The following KLHL3 variants were observed in gnomAD, a reference collection of about 807,000 sequenced individuals.
KLHL3 encodes kelch-like protein 3.
In KLHL3, 19 loss-of-function variants were observed where a neutral mutation model predicts 70.5. That is an observed-to-expected ratio of 0.27 (90% CI 0.19 to 0.40). The LOEUF is 0.40. Among genes scored for constraint, KLHL3 ranks in the 10% least tolerant of loss-of-function variants. The pLI is 1.00. For missense variants in KLHL3, 512 were observed against 771.1 expected (o/e 0.66, Z 3.98); for synonymous variants, 258 against 290.3 (o/e 0.89, Z 1.13).
Position 137,639,266 on chromosome 5 carries a change from T to C in KLHL3, c.1022-116A>G, listed in dbSNP as rs945167783. On this transcript the variant is annotated intron_variant, in intron 9 of 14. Coordinates refer to ENST00000309755, the MANE Select transcript of KLHL3 (RefSeq NM_017415.3). This position sits in a 1 kb window ranked among gnomAD's most constrained non-coding sequence, Gnocchi z 5.0. ...GGAAAAGTCGCCACCGAAGATACTT[T>C]AGGTATTTGGCAGTCATTATGGGAT... 4 of 931,446 alleles carry C rather than the reference T, an allele frequency of 4.3e-6. No individual in the cohort carries two copies. The highest frequency in any genetic ancestry group is 1.6e-5 in the African/African-American group (1 of 61,180). The allele number at this position is 931,446 out of a possible 1,614,324, so 57.7% of individuals were successfully genotyped here.
intron 11 of KLHL3, among the ~76,000 whole-genome samples, chr5:137,636,127 G>A (rs1750760764): frequency 6.6e-6 from 1 of 152,098 alleles, no homozygotes; most frequent in Non-Finnish European, 1.5e-5. Flanking sequence ...AATTTACCTT[G>A]GTAGGAGGAC....
At position 137,658,167 on chromosome 5, in the gene KLHL3, T is replaced by C; in HGVS notation, c.867A>G (p.Pro289=). The change falls in exon 8 of 15, where the codon CCA becomes CCG. Residue 289 remains proline (P), a synonymous_variant. Transcript: ENST00000309755. ...PLDQRLLIKN[P]RTKPRTPVSL... Reference sequence around the variant, plus strand: ...TGACTGGAGTCCTGGGCTTGGTCCTTGGGTTCTTAATCAATAGTCTCTGAT... The same window carrying C: ...TGACTGGAGTCCTGGGCTTGGTCCTCGGGTTCTTAATCAATAGTCTCTGAT... The C allele has an allele frequency of 6.2e-7, 1 of 1,613,884 alleles. No individual in the cohort carries two copies. The highest frequency in any genetic ancestry group is 8.5e-7 in the Non-Finnish European group (1 of 1,179,958).
chr5:137,705,834 T>C (rs1167145988), intron 3 of KLHL3, among the ~76,000 whole-genome samples: 1 of 152,048 alleles, frequency 6.6e-6, no homozygotes, highest in Non-Finnish European at 1.5e-5. Flanking sequence ...TTTGGGAAAA[T>C]TGCTTCCCTT....
chr5:137,659,999 T>C (rs970281937), intron 7 of KLHL3, among the ~76,000 whole-genome samples: 3 of 151,984 alleles, frequency 2.0e-5, no homozygotes, highest in African/African-American at 7.2e-5. Context: ...CCCTTCCTTC[T>C]CCTCCTCCTC....
chr5:137,661,114 C>T (rs556887201), intron 7 of KLHL3: 4 of 152,244 alleles, frequency 2.6e-5, no homozygotes, highest in African/African-American at 7.2e-5. Context: ...AAATAAGTCA[C>T]GTAATGGGTA....
intron 5 of KLHL3, among the ~76,000 whole-genome samples, chr5:137,687,252 G>GT (rs1561606429): frequency 2.3e-4 from 9 of 39,588 alleles, no homozygotes; most frequent in African/African-American, 9.9e-4. Context: ...GAGGCGCGGG[G>GT]GGGGGTCGGC....
rs374792787 is a variant in KLHL3, at chr5:137,681,215, TAAAG to T, written c.527-3565_527-3562del. Among the ~76,000 whole-genome samples the T allele has an allele frequency of 1.3e-3, 199 of 152,254 alleles. 3 individuals are homozygous for T. The Middle Eastern group carries it at 0.024, about 18-fold the overall frequency. On this transcript the variant is annotated intron_variant, in intron 5 of 14. Coordinates refer to ENST00000309755, the MANE Select transcript of KLHL3 (RefSeq NM_017415.3). ...TACATAAGGTGATATGGGCATTAAA[TAAAG>T]AAATAGATGTGACTCACATTTACTG...
chr5:137,671,240 C>T (rs1375239388), intron 6 of KLHL3, among the ~76,000 whole-genome samples: 1 of 152,064 alleles, frequency 6.6e-6, no homozygotes, highest in African/African-American at 2.4e-5. Context: ...CCTACTATTC[C>T]TCCAACCTAA....
At chr5:137,623,388 C>G (rs1750373051) in intron 14 of KLHL3, among the ~76,000 whole-genome samples, 1 of 152,182 alleles carries the variant, frequency 6.6e-6, no homozygotes, top group Non-Finnish European at 1.5e-5. Flanking sequence ...CTGTTTATTC[C>G]TGGCTAAAGG....
intron 11 of KLHL3, among the ~76,000 whole-genome samples, chr5:137,636,363 A>G (rs1750766026): frequency 6.6e-6 from 1 of 152,250 alleles, no homozygotes; most frequent in Non-Finnish European, 1.5e-5. Context: ...GTCTGCATAC[A>G]CGTCTGAATG....
chr5:137,701,113 A>C (rs1429987250), intron 3 of KLHL3, among the ~76,000 whole-genome samples: 1 of 151,124 alleles, frequency 6.6e-6, no homozygotes, highest in East Asian at 2.0e-4. Context: ...GCTCACCGCA[A>C]CCTCTGCCTC....
At chr5:137,713,953 C>T (rs1348997919) in intron 2 of KLHL3, among the ~76,000 whole-genome samples, 3 of 151,912 alleles carry the variant, frequency 2.0e-5, no homozygotes, top group Admixed American at 2.0e-4. Context: ...TACACATGTG[C>T]CATGTTGGTG....
chr5:137,729,428 G>C (rs1242010813), intron 1 of KLHL3, among the ~76,000 whole-genome samples: 2 of 152,150 alleles, frequency 1.3e-5, no homozygotes, highest in Non-Finnish European at 2.9e-5. Context: ...TTCAGCCTCA[G>C]GTCAGATCCT....
intron 1 of KLHL3, among the ~76,000 whole-genome samples, chr5:137,722,624 T>C (rs1226524420): frequency 6.6e-6 from 1 of 152,244 alleles, no homozygotes; most frequent in African/African-American, 2.4e-5. Flanking sequence ...TTCTATGTTC[T>C]ACTAAAGGTT....
chr5:137,709,686 C>A lies in KLHL3; in HGVS notation c.241+64G>T, dbSNP rs1752756058. 5.3e-6 allele frequency: 7 copies of A among 1,312,178 alleles called. No individual in the cohort carries two copies. The South Asian group carries it at 8.2e-5, about 15-fold the overall frequency. The allele number at this position is 1,312,178 out of a possible 1,614,324, so 81.3% of individuals were successfully genotyped here. ...CCTCCCTCCCCTCATGTCACCACCC[C>A]CAACATTCTCCCAGTGGGGCTGCAG... On this transcript the variant is annotated intron_variant, in intron 3 of 14. Coordinates refer to ENST00000309755, the MANE Select transcript of KLHL3 (RefSeq NM_017415.3).
intron 14 of KLHL3, among the ~76,000 whole-genome samples, chr5:137,622,463 A>G (rs1376142995): frequency 6.6e-6 from 1 of 152,268 alleles, no homozygotes; most frequent in Non-Finnish European, 1.5e-5. Flanking sequence ...GCAGCTATGC[A>G]GTTCTAAATT....
chr5:137,699,943 C>T (rs1334014826), intron 3 of KLHL3, among the ~76,000 whole-genome samples: 3 of 152,214 alleles, frequency 2.0e-5, no homozygotes, highest in Admixed American at 2.0e-4. Flanking sequence ...CCCATCCTGA[C>T]ACAGTTCTAG....
intron 10 of KLHL3, among the ~76,000 whole-genome samples, chr5:137,637,617 G>A (rs1750801494): frequency 1.3e-5 from 2 of 152,244 alleles, no homozygotes; most frequent in Non-Finnish European, 2.9e-5. Flanking sequence ...AGAGTGGGCT[G>A]TGAAAGGACA....
At chr5:137,688,197 T>TAAAAA (rs150275765) in intron 5 of KLHL3, among the ~76,000 whole-genome samples, 2,099 of 13,430 alleles carry the variant, frequency 0.16, 934 homozygotes, top group African/African-American at 0.28. Flanking sequence ...TAAAATAAAA[T>TAAAAA]AAAATATTAC....
Sources: allele counts gnomAD v4.1 joint callset (sites outside exome capture counted in the v4.1 genomes callset), GRCh38; gene constraint gnomAD v4.1.1; non-coding constraint Gnocchi (gnomAD v3.1); transcripts MANE v1.5; gene names NCBI Gene and HGNC (gene_info 2026-07-23, HGNC 2026-07-21).